The following PRKCZ variants were observed in gnomAD, a reference collection of about 807,000 sequenced individuals.
The protein encoded by PRKCZ is protein kinase C zeta type.
Under a neutral mutation model 79.5 loss-of-function variants are expected in PRKCZ, and 33 were observed. The ratio of observed to expected loss-of-function variants is 0.41; its 90% CI spans 0.31 to 0.55. The LOEUF (loss-of-function observed/expected upper bound fraction) is 0.55, where lower values mean the gene tolerates loss of function less well. Among genes scored for constraint, PRKCZ ranks in the 20% least tolerant of loss-of-function variants. The pLI, the probability that PRKCZ is intolerant of heterozygous loss-of-function variation, is 0.19. For synonymous variants in PRKCZ, 342 were observed against 320.9 expected (o/e 1.07, Z -0.70); for missense variants, 578 against 813.5 (o/e 0.71, Z 3.52).
rs150918919 is a variant in PRKCZ at position 2,138,392 on chromosome 1, G to A, written c.420+3045G>A. On this transcript the variant is annotated intron_variant, in intron 5 of 17. Coordinates refer to ENST00000378567, the MANE Select transcript of PRKCZ (RefSeq NM_002744.6). ...GAGCCAGCGAGGTTCTGAAGAAGGA[G>A]GTGAGGAGGGGCTGCCTCCTCCATG... 3.9e-3 allele frequency among the ~76,000 whole-genome samples: 590 copies of A among 152,286 alleles called. 3 individuals carry two copies. The highest frequency in any genetic ancestry group is 0.014 in the African/African-American group (562 of 41,560).
intron 4 of PRKCZ, among the ~76,000 whole-genome samples, chr1:2,088,505 GGCTGTGGCGAGTGATT>G (rs1353407250): frequency 6.6e-6 from 1 of 152,202 alleles, no homozygotes; most frequent in Non-Finnish European, 1.5e-5. Context: ...GAGTGAAGAC[GGCTGTGGCGAGTGATT>G]GCCGCGTGAC....
At chr1:2,093,424 C>T (rs893777834) in intron 4 of PRKCZ, among the ~76,000 whole-genome samples, 3 of 152,142 alleles carry the variant, frequency 2.0e-5, no homozygotes, top group Non-Finnish European at 4.4e-5. Flanking sequence ...GACCCTGCTT[C>T]GTGCGGGGAC....
At chr1:2,146,584 A>G (rs1678577716) in intron 7 of PRKCZ, among the ~76,000 whole-genome samples, 1 of 152,204 alleles carries the variant, frequency 6.6e-6, no homozygotes, top group South Asian at 2.1e-4. Context: ...GTGGGGAAGG[A>G]CTTGTTTTAT....
Position 2,141,491 on chromosome 1 carries a change from G to A in PRKCZ, c.421-2719G>A, listed in dbSNP as rs577392889. ...CTCCCGAGTAGCTGGGATTACAGAT[G>A]TGCGCCACCACGCCCAGCTAATTTT... On this transcript the variant is annotated intron_variant, in intron 5 of 17. Transcript: ENST00000378567. 21 of 152,432 alleles carry A rather than the reference G, an allele frequency of 1.4e-4. 1 individual carries two copies. The South Asian group carries it at 3.6e-3, about 26-fold the overall frequency. The allele number at this position is 152,432 out of a possible 1,614,324, so 9.4% of individuals were successfully genotyped here. A position where few individuals can be genotyped will look rare whatever the true frequency, so the allele number is the denominator to read the frequency against.
In PRKCZ at chr1:2,168,678, G is replaced by A. The variant is rs563013300; in HGVS notation, c.975-840G>A. Reference sequence around the variant, plus strand: ...GTGGTGTGGGAGCTTGCGTGGGATCGAAGGAAACGGGCAGAGTCACCACAC... The same window carrying A: ...GTGGTGTGGGAGCTTGCGTGGGATCAAAGGAAACGGGCAGAGTCACCACAC... On this transcript the variant is annotated intron_variant, in intron 10 of 17. Coordinates refer to ENST00000378567, the MANE Select transcript of PRKCZ (RefSeq NM_002744.6). This position sits in a 1 kb window ranked among gnomAD's most constrained non-coding sequence, Gnocchi z 4.7. Among the ~76,000 whole-genome samples, 82 of 152,150 alleles carry A rather than the reference G, an allele frequency of 5.4e-4. No individual in the cohort carries two copies. The highest frequency in any genetic ancestry group is 3.4e-3 in the Middle Eastern group (1 of 294).
At chr1:2,067,277 C>A (rs28626100) in intron 4 of PRKCZ, among the ~76,000 whole-genome samples, 1 of 152,138 alleles carries the variant, frequency 6.6e-6, no homozygotes, top group South Asian at 2.1e-4. Flanking sequence ...CAGAGCTATG[C>A]GGGTTACTGT....
chr1:2,131,725 GTTGGATTGGTTACTGCTGCGGCCTGAAA>G (rs796526708), intron 4 of PRKCZ, among the ~76,000 whole-genome samples: 7 of 152,232 alleles, frequency 4.6e-5, no homozygotes, highest in African/African-American at 1.7e-4. Context: ...CTAGCCTGAA[GTTGGATTGGTTACTGCTGCGGCCTGAAA>G]TTGGATTGGT....
At position 2,172,436 on chromosome 1, in the gene PRKCZ, T is replaced by C. The variant is rs1394875508; in HGVS notation, c.1285+48T>C. ...CTCTCGGAGCACACAGGGCCAGAGA[T>C]GGCTTCGGGCCTGGCCCAGCAGCCA... On this transcript the variant is annotated intron_variant, in intron 13 of 17. Transcript: ENST00000378567. This position sits in a 1 kb window ranked among gnomAD's most constrained non-coding sequence, Gnocchi z 7.8. The C allele has an allele frequency of 1.9e-6, 3 of 1,569,448 alleles. No individual in the cohort carries two copies. In the Admixed American group the frequency reaches 5.3e-5, roughly 28 times the overall value.
intron 1 of PRKCZ, among the ~76,000 whole-genome samples, chr1:2,055,101 C>T (rs1660038723): frequency 6.6e-6 from 1 of 152,074 alleles, no homozygotes; most frequent in Non-Finnish European, 1.5e-5. Context: ...CGCCACCGCG[C>T]CTGGCTAATT....
chr1:2,059,823 G>A (rs1054198743), intron 4 of PRKCZ, among the ~76,000 whole-genome samples: 1 of 152,216 alleles, frequency 6.6e-6, no homozygotes, highest in African/African-American at 2.4e-5. Flanking sequence ...TTGGTAGCAT[G>A]AGAAGTCCAG....
Position 2,178,959 on chromosome 1 carries a change from G to A in PRKCZ, c.1575+3646G>A, listed in dbSNP as rs1686009682. Among the ~76,000 whole-genome samples, 1 of 152,208 alleles carries A rather than the reference G, an allele frequency of 6.6e-6. No individual in the cohort carries two copies. The highest frequency in any genetic ancestry group is 6.5e-5 in the Admixed American group (1 of 15,286). ...GCCCCCTCCTTGCCTATCCCCAGCT[G>A]AACCAGCACCACTCAGGCAGTCGCC... On this transcript the variant is annotated intron_variant, in intron 16 of 17. Coordinates refer to ENST00000378567, the MANE Select transcript of PRKCZ (RefSeq NM_002744.6). The surrounding 1 kb of genome is among the most constrained non-coding windows in gnomAD (Gnocchi z 4.3).
rs771823294 is a variant in PRKCZ at position 2,165,295 on chromosome 1, C to A, written c.975-4223C>A. On this transcript the variant is annotated intron_variant, in intron 10 of 17. Transcript: ENST00000378567. The surrounding 1 kb of genome is among the most constrained non-coding windows in gnomAD (Gnocchi z 4.1). The stretch of plus-strand genomic sequence containing the variant: ...ACGGTGCTGTCACCGCTGTGATGTC[C>A]GCTGTGAGGTGGGGACAGGACCTGG... Among the ~76,000 whole-genome samples, 1 of 152,174 alleles carries A rather than the reference C, an allele frequency of 6.6e-6. No homozygotes were observed. Among genetic ancestry groups the A allele is most frequent in the African/African-American group, 2.4e-5 (1 of 41,432 alleles).
intron 4 of PRKCZ, among the ~76,000 whole-genome samples, chr1:2,097,656 C>G (rs1313739013): frequency 6.6e-6 from 1 of 152,138 alleles, no homozygotes; most frequent in African/African-American, 2.4e-5. Flanking sequence ...AGCCCATGCA[C>G]CCCGGAAGGC....
At position 2,125,271 on chromosome 1, in the gene PRKCZ, C is replaced by G. The variant is rs1356385166; in HGVS notation, c.335-9991C>G. ...TGACTGCTTGGAAGTTGGCGTACAT[C>G]TTTCCACGGAAACTATGAAAATACT... On this transcript the variant is annotated intron_variant, in intron 4 of 17. Transcript: ENST00000378567. The surrounding 1 kb of genome is among the most constrained non-coding windows in gnomAD (Gnocchi z 4.2). Among the ~76,000 whole-genome samples, 1 of 152,220 alleles carries G rather than the reference C, an allele frequency of 6.6e-6. No homozygotes were observed. The highest frequency in any genetic ancestry group is 1.9e-4 in the East Asian group (1 of 5,202).
At chr1:2,066,985 C>A (rs569693008) in intron 4 of PRKCZ, among the ~76,000 whole-genome samples, 7 of 152,348 alleles carry the variant, frequency 4.6e-5, no homozygotes, top group African/African-American at 1.4e-4. Context: ...TGTTTTCATT[C>A]ATCTCTCAGC....
intron 4 of PRKCZ, among the ~76,000 whole-genome samples, chr1:2,113,011 G>A (rs534355429): frequency 9.9e-5 from 15 of 152,272 alleles, no homozygotes; most frequent in African/African-American, 3.4e-4. Context: ...TTACATTTGT[G>A]ACTTACAGTC....
In PRKCZ at chr1:2,149,204, G is replaced by A. The variant is rs1679339995; in HGVS notation, c.687+280G>A. ...GCCCCACATCCTCTCCATTCAGGTG[G>A]TACAGTGGCCCAGGGGCTGGCTTTT... On this transcript the variant is annotated intron_variant, in intron 8 of 17. Transcript: ENST00000378567. This position sits in a 1 kb window ranked among gnomAD's most constrained non-coding sequence, Gnocchi z 4.1. Among the ~76,000 whole-genome samples, 1 of 152,254 alleles carries A rather than the reference G, an allele frequency of 6.6e-6. No homozygotes were observed. The highest frequency in any genetic ancestry group is 2.1e-4 in the South Asian group (1 of 4,834).
At chr1:2,059,813 T>C (rs1571104252) in intron 4 of PRKCZ, among the ~76,000 whole-genome samples, 1 of 152,170 alleles carries the variant, frequency 6.6e-6, no homozygotes, top group Non-Finnish European at 1.5e-5. Context: ...GCTTGGCTGG[T>C]TGGTAGCATG....
chr1:2,065,821 A>G (rs562303834), intron 4 of PRKCZ, among the ~76,000 whole-genome samples: 1 of 152,058 alleles, frequency 6.6e-6, no homozygotes, highest in South Asian at 2.1e-4. Context: ...TTATGTCGAG[A>G]TAGTTTCCTT....
Sources: gnomAD v4.1 joint callset for allele counts (sites outside exome capture counted in the v4.1 genomes callset) on GRCh38, gnomAD v4.1.1 for gene constraint, Gnocchi (gnomAD v3.1) non-coding constraint, MANE v1.5 for transcripts, NCBI Gene and HGNC (gene_info 2026-07-23, HGNC 2026-07-21) for gene names.